CACNA1E: variants seen among roughly 807,000 people sequenced by gnomAD.
CACNA1E encodes the protein calcium voltage-gated channel subunit alpha1 E.
CACNA1E carries 40 observed loss-of-function variants against 259.2 expected under a neutral mutation model. That is an observed-to-expected ratio of 0.15 (90% CI 0.12 to 0.20). The LOEUF (loss-of-function observed/expected upper bound fraction) is 0.20, where lower values mean the gene tolerates loss of function less well. Ranked by LOEUF, CACNA1E falls within the 10% of genes least tolerant of loss-of-function variation. The pLI, the probability that CACNA1E is intolerant of heterozygous loss-of-function variation, is 1.00. For missense variants in CACNA1E, 1,874 were observed against 3,040.1 expected (o/e 0.62, Z 9.02); for synonymous variants, 1,104 against 1,138.5 (o/e 0.97, Z 0.61).
At chr1:181,480,527 C>G (rs1307210642), upstream of CACNA1E, among the ~76,000 whole-genome samples, 1 of 152,170 alleles carries the variant, frequency 6.6e-6, no homozygotes, top group African/African-American at 2.4e-5. Flanking sequence ...TATTCTAGGT[C>G]TCTGAAGAAT....
At chr1:181,687,519 C>A (rs1457929678) in intron 7 of CACNA1E, among the ~76,000 whole-genome samples, 1 of 152,134 alleles carries the variant, frequency 6.6e-6, no homozygotes, top group African/African-American at 2.4e-5. Flanking sequence ...GAATGCAAGG[C>A]AGCTGGGTCT....
chr1:181,722,133 G>C (rs565653895), intron 16 of CACNA1E, among the ~76,000 whole-genome samples: 36 of 152,198 alleles, frequency 2.4e-4, no homozygotes, highest in Non-Finnish European at 5.0e-4. Context: ...CTGTTACATT[G>C]AATGGTTGGA....
chr1:181,343,423 C>T (rs1652330843), intron 1 of CACNA1E, among the ~76,000 whole-genome samples: 1 of 152,024 alleles, frequency 6.6e-6, no homozygotes, highest in African/African-American at 2.4e-5. Flanking sequence ...TCTGGTTGTC[C>T]AAGTGACTGT....
intron 6 of CACNA1E, among the ~76,000 whole-genome samples, chr1:181,628,158 A>G (rs542083961): frequency 1.3e-5 from 2 of 152,306 alleles, no homozygotes; most frequent in African/African-American, 4.8e-5. Flanking sequence ...CGATTGCCCT[A>G]CTGCAAATGC....
At chr1:181,566,899 T>G (rs1649885977) in intron 3 of CACNA1E, among the ~76,000 whole-genome samples, 1 of 151,392 alleles carries the variant, frequency 6.6e-6, no homozygotes. Flanking sequence ...TGGTTGTCAT[T>G]GCTGGGTGAG....
chr1:181,561,839 C>T (rs1005717529), intron 3 of CACNA1E, among the ~76,000 whole-genome samples: 2 of 152,260 alleles, frequency 1.3e-5, no homozygotes, highest in South Asian at 2.1e-4. Flanking sequence ...TTTGCATTCC[C>T]GTCAGCAATA....
At chr1:181,526,004 A>G (rs373022347) in intron 3 of CACNA1E, among the ~76,000 whole-genome samples, 1 of 152,144 alleles carries the variant, frequency 6.6e-6, no homozygotes, top group African/African-American at 2.4e-5. Context: ...TTTCCAGTGC[A>G]CAATTCTGGA....
intron 2 of CACNA1E, among the ~76,000 whole-genome samples, chr1:181,461,032 T>G (rs1433376219): frequency 6.6e-6 from 1 of 152,176 alleles, no homozygotes; most frequent in African/African-American, 2.4e-5. Flanking sequence ...GGGGATTGAA[T>G]TGAGGTGGGT....
chr1:181,456,703 C>A (rs76881496), intron 2 of CACNA1E, among the ~76,000 whole-genome samples: 18 of 152,116 alleles, frequency 1.2e-4, no homozygotes, highest in African/African-American at 4.1e-4. Context: ...CAGCTTCCCA[C>A]GCTGCCAGGA....
At chr1:181,443,648 C>T (rs1303882628) in intron 2 of CACNA1E, among the ~76,000 whole-genome samples, 1 of 152,178 alleles carries the variant, frequency 6.6e-6, no homozygotes, top group Admixed American at 6.5e-5. Flanking sequence ...GTGGCATGTC[C>T]TGCAGCAACT....
intron 7 of CACNA1E, among the ~76,000 whole-genome samples, chr1:181,682,240 C>G (rs1650046961): frequency 6.6e-6 from 1 of 152,178 alleles, no homozygotes; most frequent in South Asian, 2.1e-4. Context: ...GTTCAGTTGA[C>G]TTTGTCAGAT....
chr1:181,681,791 A>G lies in CACNA1E; in HGVS notation c.1056-29163A>G, dbSNP rs544600584. Among the ~76,000 whole-genome samples the G allele has an allele frequency of 6.6e-5, 10 of 152,282 alleles. No homozygotes were observed. The East Asian group carries it at 1.9e-3, about 29-fold the overall frequency. On this transcript the variant is annotated intron_variant, in intron 7 of 47. Coordinates refer to ENST00000367573, the MANE Select transcript of CACNA1E (RefSeq NM_001205293.3). The stretch of plus-strand genomic sequence containing the variant: ...GTTTTTCAATCTATAAAAGGGAGAT[A>G]ATGATACCTACCTCACAGGGTTGCC...
At chr1:181,543,473 G>A (rs1668750607) in intron 3 of CACNA1E, among the ~76,000 whole-genome samples, 1 of 152,206 alleles carries the variant, frequency 6.6e-6, no homozygotes, top group African/African-American at 2.4e-5. Context: ...GTTTGGGGGA[G>A]CTAATTAGTT....
chr1:181,357,125 C>A (rs546910543), intron 1 of CACNA1E, among the ~76,000 whole-genome samples: 7 of 152,294 alleles, frequency 4.6e-5, no homozygotes, highest in South Asian at 4.2e-4. Context: ...CTTCCTCCCC[C>A]ACCCACTGCT....
At chr1:181,523,236 T>G (rs1667118698) in intron 3 of CACNA1E, among the ~76,000 whole-genome samples, 1 of 152,220 alleles carries the variant, frequency 6.6e-6, no homozygotes. Flanking sequence ...GAGGAGGAAC[T>G]TCCAATGATT....
At chr1:181,794,089 T>C (rs1178435908) in intron 45 of CACNA1E, among the ~76,000 whole-genome samples, 2 of 152,244 alleles carry the variant, frequency 1.3e-5, no homozygotes, top group Admixed American at 6.5e-5. Context: ...CTCTGTGTAC[T>C]TCTCCATCCT....
intron 1 of CACNA1E, among the ~76,000 whole-genome samples, chr1:181,504,078 A>G (rs971590598): frequency 1.3e-5 from 2 of 152,198 alleles, no homozygotes; most frequent in Non-Finnish European, 2.9e-5. Flanking sequence ...TTATGTGCAC[A>G]TGAAGAAGAG....
intron 1 of CACNA1E, among the ~76,000 whole-genome samples, chr1:181,487,005 G>T (rs1468394256): frequency 6.7e-6 from 1 of 150,220 alleles, no homozygotes; most frequent in Admixed American, 6.7e-5. Flanking sequence ...GTACTTCTTT[G>T]CTCTTTGTAA....
At chr1:181,682,853 A>G (rs1650118284) in intron 7 of CACNA1E, among the ~76,000 whole-genome samples, 1 of 152,218 alleles carries the variant, frequency 6.6e-6, no homozygotes, top group Non-Finnish European at 1.5e-5. Flanking sequence ...TAAATCATTC[A>G]TGAGAAGTAC....
Sources: gnomAD v4.1 joint callset for allele counts (sites outside exome capture counted in the v4.1 genomes callset) on GRCh38, gnomAD v4.1.1 for gene constraint, MANE v1.5 for transcripts, NCBI Gene and HGNC (gene_info 2026-07-23, HGNC 2026-07-21) for gene names.